The following DDX60L variants were observed in gnomAD, a reference collection of about 807,000 sequenced individuals.
DDX60L encodes probable ATP-dependent RNA helicase DDX60-like.
Under a neutral mutation model 211.6 loss-of-function variants are expected in DDX60L, and 191 were observed. The ratio of observed to expected loss-of-function variants is 0.90; its 90% confidence interval spans 0.80 to 1.02. The LOEUF (loss-of-function observed/expected upper bound fraction) is 1.02, where lower values mean the gene tolerates loss of function less well. DDX60L is among the 50% of genes least tolerant of loss of function. DDX60L has a pLI of 0.00. For missense variants in DDX60L, 2,007 were observed against 1,984.1 expected (o/e 1.01, Z -0.22); for synonymous variants, 706 against 694.1 (o/e 1.02, Z -0.27).
In DDX60L at chr4:168,396,125, C is replaced by G; in HGVS notation, c.3492-1G>C. 1 of 1,327,922 alleles carries G rather than the reference C, an allele frequency of 7.5e-7. No individual in the cohort carries two copies. The highest frequency in any genetic ancestry group is 1.5e-5 in the South Asian group (1 of 66,926). The allele number at this position is 1,327,922 out of a possible 1,614,324, so 82.3% of individuals were successfully genotyped here. ...AGCCTTCTTTGGGTTTTTTTTAGTG[C>G]TACTATTTAAAAAAAAAAAAAAACT... On this transcript the variant is annotated splice_acceptor_variant, in intron 26 of 37. Coordinates refer to ENST00000682922, the MANE Select transcript of DDX60L (RefSeq NM_001012967.3). LOFTEE classifies it high-confidence loss of function.
intron 36 of DDX60L, among the ~76,000 whole-genome samples, chr4:168,370,695 A>G (rs1428943090): frequency 6.6e-6 from 1 of 152,176 alleles, no homozygotes; most frequent in Non-Finnish European, 1.5e-5. Flanking sequence ...ACTGTATCCT[A>G]TATATATGTG....
chr4:168,384,927 T>C, intron 29 of DDX60L, 115 bp from the exon 30 acceptor site: 1 of 1,054,016 alleles, frequency 9.5e-7, no homozygotes, highest in East Asian at 2.6e-5. Flanking sequence ...GTGTATTTAG[T>C]CCTGAAACTA....
At chr4:168,364,844 G>T (rs907616855) in intron 36 of DDX60L, among the ~76,000 whole-genome samples, 1 of 151,994 alleles carries the variant, frequency 6.6e-6, no homozygotes, top group Non-Finnish European at 1.5e-5. Flanking sequence ...GAGCAAAATG[G>T]TATGAAACTA....
intron 1 of DDX60L, among the ~76,000 whole-genome samples, chr4:168,473,118 C>G (rs1759028628): frequency 6.6e-6 from 1 of 152,104 alleles, no homozygotes; most frequent in South Asian, 2.1e-4. Context: ...GGCCCTGTGA[C>G]AGAGGACAGT....
rs1738568495 is a variant in DDX60L at position 168,358,621 on chromosome 4, C to A, written c.4992-345G>T. ...GATCTCGGCTCACTGCAACCTCTGC[C>A]TCCTGGGTTCAAGCAATTCTCTGCC... On this transcript the variant is annotated intron_variant, in intron 37 of 37. Transcript: ENST00000682922. 4.0e-5 allele frequency among the ~76,000 whole-genome samples: 6 copies of A among 149,178 alleles called. 1 individual carries two copies. The Admixed American group carries it at 4.1e-4, about 10-fold the overall frequency.
chr4:168,456,245 G>T, intron 6 of DDX60L, 93 bp from the exon 7 acceptor site: 1 of 628,248 alleles, frequency 1.6e-6, no homozygotes, highest in Non-Finnish European at 2.5e-6. Flanking sequence ...TAAAGAAAAC[G>T]ATTGTATAGA....
chr4:168,426,396 G>A (rs1331645212), intron 14 of DDX60L, among the ~76,000 whole-genome samples: 1 of 152,176 alleles, frequency 6.6e-6, no homozygotes, highest in East Asian at 1.9e-4. Context: ...AGCCCAGGTA[G>A]AAACCACACA....
intron 6 of DDX60L, among the ~76,000 whole-genome samples, chr4:168,456,741 A>G (rs1257491528): frequency 6.6e-6 from 1 of 152,218 alleles, no homozygotes; most frequent in Non-Finnish European, 1.5e-5. Context: ...CAATATGTAT[A>G]CAAAAAACAT....
At chr4:168,370,460 T>C (rs1467406703) in intron 36 of DDX60L, among the ~76,000 whole-genome samples, 1 of 152,146 alleles carries the variant, frequency 6.6e-6, no homozygotes, top group Non-Finnish European at 1.5e-5. Context: ...CAGAGGTTGA[T>C]CAACATGTAC....
chr4:168,417,924 G>T (rs1749851425), intron 19 of DDX60L, among the ~76,000 whole-genome samples: 1 of 152,184 alleles, frequency 6.6e-6, no homozygotes, highest in Admixed American at 6.5e-5. Flanking sequence ...GATCTAGTCA[G>T]ATAATCGCCC....
At chr4:168,380,046 C>T in intron 30 of DDX60L, 1 of 417,534 alleles carries the variant, frequency 2.4e-6, no homozygotes, top group Non-Finnish European at 4.2e-6. Flanking sequence ...AACTGTTATA[C>T]ATAACCCAGA....
In DDX60L at chr4:168,371,610, A is replaced by C. The variant is rs1741033110; in HGVS notation, c.4928+2T>G. On this transcript the variant is annotated splice_donor_variant, in intron 36 of 37. Transcript: ENST00000682922. LOFTEE classifies it high-confidence loss of function. ...TTTACAGAAACATACCCATAAACTT[A>C]CCCATTTTTTTGGTCTAATCTTGTC... 6.5e-7 allele frequency: 1 copy of C among 1,543,922 alleles called. No homozygotes were observed. The highest frequency in any genetic ancestry group is 1.4e-5 in the African/African-American group (1 of 72,806).
At chr4:168,430,671 A>G (rs978803789) in intron 12 of DDX60L, 33 bp from the exon 13 acceptor site, 2 of 1,443,658 alleles carry the variant, frequency 1.4e-6, no homozygotes, top group Non-Finnish European at 9.2e-7. Context: ...GTAAACATGT[A>G]TTTTAAAATA....
chr4:168,426,405 C>T (rs1751455296), intron 14 of DDX60L, among the ~76,000 whole-genome samples: 1 of 152,186 alleles, frequency 6.6e-6, no homozygotes, highest in African/African-American at 2.4e-5. Context: ...AGAAACCACA[C>T]ACAAAGTAGG....
intron 4 of DDX60L, among the ~76,000 whole-genome samples, chr4:168,463,243 T>A (rs1000374004): frequency 1.3e-5 from 2 of 152,246 alleles, no homozygotes; most frequent in Admixed American, 6.5e-5. Context: ...AAGTCATTGA[T>A]GATAGACTGG....
In DDX60L at chr4:168,472,801, A is replaced by G; in HGVS notation, c.-102T>C. On this transcript the variant is annotated 5_prime_UTR_variant, in exon 2 of 38. Coordinates refer to ENST00000682922, the MANE Select transcript of DDX60L (RefSeq NM_001012967.3). ...TCTAAAATGGCTACATTTGATGTGA[A>G]TGGCACCTCTGTAATAAAAGAAAAA... 2 of 1,276,204 alleles carry G rather than the reference A, an allele frequency of 1.6e-6. No individual in the cohort carries two copies. The highest frequency in any genetic ancestry group is 2.2e-6 in the Non-Finnish European group (2 of 909,234). The allele number at this position is 1,276,204 out of a possible 1,614,324, so 79.1% of individuals were successfully genotyped here.
intron 29 of DDX60L, among the ~76,000 whole-genome samples, chr4:168,386,925 T>C (rs1560964549): frequency 1.3e-5 from 2 of 152,218 alleles, no homozygotes; most frequent in Non-Finnish European, 2.9e-5. Flanking sequence ...AGGAATTTTA[T>C]TGATAAAGGG....
intron 1 of DDX60L, among the ~76,000 whole-genome samples, chr4:168,476,857 T>C (rs1759574209): frequency 6.6e-6 from 1 of 152,178 alleles, no homozygotes; most frequent in Non-Finnish European, 1.5e-5. Flanking sequence ...ATAGCCAGAC[T>C]TTCGAGAAAT....
At chr4:168,423,458 T>G in intron 15 of DDX60L, 150 bp downstream of exon 15, 1 of 536,496 alleles carries the variant, frequency 1.9e-6, no homozygotes, top group Non-Finnish European at 3.0e-6. Flanking sequence ...TAATAAGTAA[T>G]CTCATATCTA....
Sources: gnomAD v4.1 joint callset for allele counts (sites outside exome capture counted in the v4.1 genomes callset) on GRCh38, gnomAD v4.1.1 for gene constraint, MANE v1.5 for transcripts, NCBI Gene and HGNC (gene_info 2026-07-23, HGNC 2026-07-21) for gene names.